The following ANTXR2 variants were observed in gnomAD, a reference collection of about 807,000 sequenced individuals.
ANTXR2 encodes the protein ANTXR cell adhesion molecule 2.
In ANTXR2, 44 loss-of-function variants were observed where a neutral mutation model predicts 73.7. The ratio of observed to expected loss-of-function variants is 0.60; its 90% confidence interval spans 0.47 to 0.77. ANTXR2 has a LOEUF of 0.77. Ranked by LOEUF, ANTXR2 falls within the 30% of genes least tolerant of loss-of-function variation. The probability of loss-of-function intolerance (pLI) is 0.00; values close to 1 mark genes in which losing one functional copy is unlikely to be tolerated. For synonymous variants in ANTXR2, 217 were observed against 205.9 expected, an observed-to-expected ratio of 1.05 and a Z score of -0.46; for missense variants, 604 against 592.5, an observed-to-expected ratio of 1.02 and a Z score of -0.20.
At chr4:80,062,511 A>G (rs1734308915) in intron 3 of ANTXR2, among the ~76,000 whole-genome samples, 1 of 152,208 alleles carries the variant, frequency 6.6e-6, no homozygotes, top group African/African-American at 2.4e-5. Flanking sequence ...TAACATGTCC[A>G]TCACTAAAAT....
intron 16 of ANTXR2, among the ~76,000 whole-genome samples, chr4:79,932,562 C>A (rs941880338): frequency 6.6e-6 from 1 of 151,574 alleles, no homozygotes; most frequent in Non-Finnish European, 1.5e-5. Context: ...GGAGGCGAGG[C>A]GGGTGGATTG....
chr4:80,030,491 T>G (rs916094452), intron 10 of ANTXR2, among the ~76,000 whole-genome samples: 3 of 152,028 alleles, frequency 2.0e-5, no homozygotes, highest in Non-Finnish European at 2.9e-5. Context: ...CAATGCCAAT[T>G]TAATTTAGCC....
At chr4:80,005,630 C>T (rs529280934) in intron 12 of ANTXR2, among the ~76,000 whole-genome samples, 2 of 152,180 alleles carry the variant, frequency 1.3e-5, no homozygotes, top group South Asian at 2.1e-4. Flanking sequence ...CTTCATTTTT[C>T]TCTAGCTCAC....
At chr4:79,960,323 T>C (rs1419381474) in intron 16 of ANTXR2, among the ~76,000 whole-genome samples, 2 of 152,174 alleles carry the variant, frequency 1.3e-5, no homozygotes, top group African/African-American at 4.8e-5. Context: ...TTAATATATA[T>C]GATGTATTAT....
chr4:80,056,105 C>T, intron 3 of ANTXR2, 92 bp from the exon 4 acceptor site: 2 of 798,032 alleles, frequency 2.5e-6, no homozygotes, highest in Non-Finnish European at 3.7e-6. Flanking sequence ...TGTAACTAAG[C>T]TTTCTTCAGT....
chr4:80,004,133 T>C (rs1560974331), intron 12 of ANTXR2, among the ~76,000 whole-genome samples: 1 of 150,638 alleles, frequency 6.6e-6, no homozygotes. Flanking sequence ...TCGGGAATTA[T>C]GCTGAATGAA....
chr4:80,071,722 GT>G, intron 1 of ANTXR2, 68 bp from the exon 2 acceptor site: 1 of 1,336,162 alleles, frequency 7.5e-7, no homozygotes, highest in South Asian at 1.2e-5. Context: ...TTTTGAAATG[GT>G]TCCTTCTTCA....
At chr4:80,058,331 C>T (rs1056122359) in intron 3 of ANTXR2, among the ~76,000 whole-genome samples, 4 of 152,088 alleles carry the variant, frequency 2.6e-5, no homozygotes, top group Middle Eastern at 3.4e-3. Flanking sequence ...TATACCTGCA[C>T]CATAAGATTC....
At chr4:79,951,499 C>G (rs1038205621) in intron 16 of ANTXR2, among the ~76,000 whole-genome samples, 4 of 152,004 alleles carry the variant, frequency 2.6e-5, no homozygotes, top group African/African-American at 9.7e-5. Flanking sequence ...TTGCTTGAAC[C>G]TGGGAGGCGG....
intron 16 of ANTXR2, among the ~76,000 whole-genome samples, chr4:79,944,984 T>G (rs1429631040): frequency 6.6e-6 from 1 of 152,130 alleles, no homozygotes; most frequent in Non-Finnish European, 1.5e-5. Flanking sequence ...AGCAGAAAAA[T>G]TCATGTTTTT....
chr4:80,044,369 A>G (rs1039379143), intron 7 of ANTXR2, among the ~76,000 whole-genome samples: 1 of 152,024 alleles, frequency 6.6e-6, no homozygotes, highest in Non-Finnish European at 1.5e-5. Flanking sequence ...AGGACACATA[A>G]GAGGTAATAA....
rs367782345 is a variant in ANTXR2, at chr4:79,997,949, TA to T, written c.1041+10571del. Among the ~76,000 whole-genome samples the T allele has an allele frequency of 6.5e-4, 99 of 152,086 alleles. 1 individual carries two copies. In the East Asian group the frequency reaches 9.5e-3, roughly 15 times the overall value. Reference sequence around the variant, plus strand: ...GCAACCAAACATAAATCATTTTAATTAATGGTGTAAGGAAGGTATATTAAAA... The same window carrying T: ...GCAACCAAACATAAATCATTTTAATTATGGTGTAAGGAAGGTATATTAAAA... On this transcript the variant is annotated intron_variant, in intron 12 of 16. Transcript: ENST00000403729.
intron 15 of ANTXR2, 72 bp from the exon 16 acceptor site, chr4:79,977,773 T>C: frequency 1.4e-6 from 2 of 1,420,468 alleles, no homozygotes; most frequent in Non-Finnish European, 9.5e-7. Context: ...AATGAAGACA[T>C]AAAACGAAGA....
intron 12 of ANTXR2, among the ~76,000 whole-genome samples, chr4:79,998,496 T>C (rs1166881798): frequency 2.6e-5 from 4 of 152,028 alleles, no homozygotes; most frequent in Admixed American, 2.6e-4. Flanking sequence ...CCCCAAACTA[T>C]GCAACTATAG....
intron 10 of ANTXR2, 79 bp downstream of exon 10, chr4:80,031,544 A>G (rs1732694188): frequency 2.6e-5 from 29 of 1,112,194 alleles, no homozygotes; most frequent in Non-Finnish European, 3.5e-5. Flanking sequence ...ATAGAATAAA[A>G]TGACCAATGT....
At chr4:80,064,843 A>C (rs1237845987) in intron 3 of ANTXR2, among the ~76,000 whole-genome samples, 1 of 152,192 alleles carries the variant, frequency 6.6e-6, no homozygotes, top group African/African-American at 2.4e-5. Flanking sequence ...CTGGGGCACT[A>C]GGATGGGGCG....
At chr4:79,993,783 CAT>C (rs1553931140) in intron 12 of ANTXR2, among the ~76,000 whole-genome samples, 1 of 132,850 alleles carries the variant, frequency 7.5e-6, no homozygotes, top group African/African-American at 2.6e-5. Context: ...CACACACACA[CAT>C]GCACTTTTTC....
At chr4:79,993,760 G>GCACACACACACACACACACA (rs1553931141) in intron 12 of ANTXR2, among the ~76,000 whole-genome samples, 1 of 140,658 alleles carries the variant, frequency 7.1e-6, no homozygotes, top group African/African-American at 2.6e-5. Flanking sequence ...ACACACACAC[G>GCACACACACACACACACACA]CACACACACA....
intron 7 of ANTXR2, among the ~76,000 whole-genome samples, chr4:80,043,368 T>C (rs1560419703): frequency 6.6e-6 from 1 of 152,044 alleles, no homozygotes; most frequent in Non-Finnish European, 1.5e-5. Flanking sequence ...CTACTTAAGA[T>C]GTGTCTTGAA....
Sources: allele counts gnomAD v4.1 joint callset (sites outside exome capture counted in the v4.1 genomes callset), GRCh38; gene constraint gnomAD v4.1.1; transcripts MANE v1.5; gene names NCBI Gene and HGNC (gene_info 2026-07-23, HGNC 2026-07-21).